SOX8: variants seen among roughly 807,000 people sequenced by gnomAD.
SOX8 encodes the protein SRY-box transcription factor 8.
In SOX8, 9 loss-of-function variants were observed where a neutral mutation model predicts 22.9. The ratio of observed to expected loss-of-function variants is 0.39; its 90% CI spans 0.24 to 0.69. The LOEUF is 0.69. Ranked by LOEUF, SOX8 falls within the 30% of genes least tolerant of loss-of-function variation. The pLI, the probability that SOX8 is intolerant of heterozygous loss-of-function variation, is 0.43. For missense variants in SOX8, 734 were observed against 699.4 expected (o/e 1.05, Z -0.56); for synonymous variants, 416 against 330.6 (o/e 1.26, Z -2.80).
chr16:984,671 C>CA, intron 2 of SOX8, 30 bp from the exon 3 acceptor site: 1 of 1,399,930 alleles, frequency 7.1e-7, no homozygotes, highest in Non-Finnish European at 9.4e-7. Context: ...AAGGGGCATT[C>CA]ATCCCTGAAG....
chr16:985,623 C>G lies in SOX8; in HGVS notation c.*237C>G, dbSNP rs1411102971. 8.1e-6 allele frequency: 4 copies of G among 496,484 alleles called. No homozygotes were observed. The highest frequency in any genetic ancestry group is 2.0e-5 in the African/African-American group (1 of 49,766). 30.8% of individuals were successfully genotyped at this position (496,484 alleles called of 1,614,324 possible). A position where few individuals can be genotyped will look rare whatever the true frequency, so the allele number is the denominator to read the frequency against. On this transcript the variant is annotated 3_prime_UTR_variant, in exon 3 of 3. Coordinates refer to ENST00000293894, the MANE Select transcript of SOX8 (RefSeq NM_014587.5). Reference sequence around the variant, plus strand: ...TTTTTGAGGTGGTGGGATTATTCCACAAAGAAGGGCTGCCGTTTGGTCCCT... The same window carrying G: ...TTTTTGAGGTGGTGGGATTATTCCAGAAAGAAGGGCTGCCGTTTGGTCCCT...
At chr16:984,025 C>T in intron 2 of SOX8, 65 bp downstream of exon 2, 1 of 1,350,580 alleles carries the variant, frequency 7.4e-7, no homozygotes, top group Non-Finnish European at 9.9e-7. Context: ...GGGTTTCTGG[C>T]TGAGAAGGGT....
At position 982,404 on chromosome 16, in the gene SOX8, G is replaced by C. The variant is rs888458961; in HGVS notation, c.422+60G>C. On this transcript the variant is annotated intron_variant, in intron 1 of 2. Coordinates refer to ENST00000293894, the MANE Select transcript of SOX8 (RefSeq NM_014587.5). ...CCTTGGCCGCCCCTGGTCTCGGACT[G>C]CGAGCGGGGGCCTGGAGGGCGCAGA... The C allele has an allele frequency of 8.5e-6, 11 of 1,288,054 alleles. No homozygotes were observed. The African/African-American group carries it at 1.7e-4, about 20-fold the overall frequency. 79.8% of individuals were successfully genotyped at this position (1,288,054 alleles called of 1,614,324 possible).
Position 984,697 on chromosome 16 carries a change from C to G in SOX8, c.656-4C>G, listed in dbSNP as rs1159889747. 2 of 1,514,078 alleles carry G rather than the reference C, an allele frequency of 1.3e-6. No homozygotes were observed. Among genetic ancestry groups the G allele is most frequent in the Admixed American group, 2.0e-5 (1 of 49,252 alleles). 93.8% of individuals were successfully genotyped at this position (1,514,078 alleles called of 1,614,324 possible). On this transcript the variant is annotated splice_region_variant and splice_polypyrimidine_tract_variant and intron_variant, in intron 2 of 2. Transcript: ENST00000293894. ...ATCCCTGAAGCCTGCTCTCCTGTCC[C>G]CAGGGCAGACCCACGGGCCGCCCAC...
Position 984,820 on chromosome 16 carries a change from A to T in SOX8, c.775A>T (p.Ile259Phe). The change falls in exon 3 of 3, where the codon ATC becomes TTC. Residue 259 changes from isoleucine (I) to phenylalanine (F), a missense_variant. Coordinates refer to ENST00000293894, the MANE Select transcript of SOX8 (RefSeq NM_014587.5). ...GCCGGTGGACAGCGGGCGCCAGAAC[A>T]TCGACTTCAGCAACGTGGACATCTC... ...RRPVDSGRQN[I>F]DFSNVDISEL... 6.2e-7 allele frequency: 1 copy of T among 1,611,784 alleles called. No individual in the cohort carries two copies. The highest frequency in any genetic ancestry group is 8.5e-7 in the Non-Finnish European group (1 of 1,179,444).
Position 985,438 on chromosome 16 carries a change from G to T in SOX8, c.*52G>T. 3 of 1,418,004 alleles carry T rather than the reference G, an allele frequency of 2.1e-6. No individual in the cohort carries two copies. Among genetic ancestry groups the T allele is most frequent in the Non-Finnish European group, 2.8e-6 (3 of 1,067,514 alleles). 87.8% of individuals were successfully genotyped at this position (1,418,004 alleles called of 1,614,324 possible). Reference sequence around the variant, plus strand: ...AGGCGTCAGGGGGCAGCCTTGTCCCGGCCCAGTGTGTGTGACCAGGGCGGG... The same window carrying T: ...AGGCGTCAGGGGGCAGCCTTGTCCCTGCCCAGTGTGTGTGACCAGGGCGGG... On this transcript the variant is annotated 3_prime_UTR_variant, in exon 3 of 3. Transcript: ENST00000293894.
intron 2 of SOX8, 150 bp downstream of exon 2, chr16:984,110 G>A: frequency 1.4e-6 from 1 of 697,138 alleles, no homozygotes; most frequent in Non-Finnish European, 2.2e-6. Context: ...AGCTCCCAAG[G>A]CCCCGGCCGC....
Position 981,924 on chromosome 16 carries a change from TGCTGGACATGA to T in SOX8, c.5_15del (p.Leu2_?5), listed in dbSNP as rs2073391287. ...CGCGCCCCTCCGCGCGCGGCCCCGA[TGCTGGACATGA>T]GCGAGGCCCGCTCCCAGCCGCCCTG... On this transcript the variant is annotated frameshift_variant and start_lost, in exon 1 of 3. Coordinates refer to ENST00000293894, the MANE Select transcript of SOX8 (RefSeq NM_014587.5). LOFTEE classifies it high-confidence loss of function. 1.5e-6 allele frequency: 2 copies of T among 1,319,020 alleles called. No homozygotes were observed. The highest frequency in any genetic ancestry group is 9.7e-7 in the Non-Finnish European group (1 of 1,032,822). The allele number at this position is 1,319,020 out of a possible 1,614,324, so 81.7% of individuals were successfully genotyped here.
rs2073389813 is a variant in SOX8, at chr16:981,871, G to C, written c.-52G>C. ...CGGAGCGACCGCAGGGCAGCCCCGG[G>C]CGCCGGCCCCGGTGCGCGTCTCCTG... On this transcript the variant is annotated 5_prime_UTR_variant, in exon 1 of 3. Coordinates refer to ENST00000293894, the MANE Select transcript of SOX8 (RefSeq NM_014587.5). 2 of 1,111,072 alleles carry C rather than the reference G, an allele frequency of 1.8e-6. No individual in the cohort carries two copies. The highest frequency in any genetic ancestry group is 9.6e-5 in the East Asian group (2 of 20,910). 68.8% of individuals were successfully genotyped at this position (1,111,072 alleles called of 1,614,324 possible).
chr16:982,164 G>T lies in SOX8; in HGVS notation c.242G>T (p.Trp81Leu). The change falls in exon 1 of 3, where the codon TGG becomes TTG. Residue 81 changes from tryptophan (W) to leucine (L), a missense_variant. Physicochemically the swap from Trp to Leu is moderately conservative, Grantham distance 61. Coordinates refer to ENST00000293894, the MANE Select transcript of SOX8 (RefSeq NM_014587.5). ...TCGCAGGTGCTCAAGGGCTACGACT[G>T]GAGTCTGGTGCCCATGCCGGTGCGC... ...AVSQVLKGYD[W>L]SLVPMPVRGG... 1 of 1,498,176 alleles carries T rather than the reference G, an allele frequency of 6.7e-7. No individual in the cohort carries two copies. The highest frequency in any genetic ancestry group is 1.3e-5 in the South Asian group (1 of 79,652). The allele number at this position is 1,498,176 out of a possible 1,614,324, so 92.8% of individuals were successfully genotyped here. A position where few individuals can be genotyped will look rare whatever the true frequency, so the allele number is the denominator to read the frequency against.
chr16:986,064 GTTATT>G lies in SOX8; in HGVS notation c.*683_*687del, dbSNP rs748506328. ...TGTTAAAGATGTATTTATGTTCTGT[GTTATT>G]TTATCTTTAATTAATGAGGTAATTC... On this transcript the variant is annotated 3_prime_UTR_variant, in exon 3 of 3. Transcript: ENST00000293894. The G allele has an allele frequency of 1.3e-5, 2 of 151,910 alleles. No homozygotes were observed. Among genetic ancestry groups the G allele is most frequent in the Non-Finnish European group, 2.9e-5 (2 of 67,908 alleles). 9.4% of individuals were successfully genotyped at this position (151,910 alleles called of 1,614,324 possible). A position where few individuals can be genotyped will look rare whatever the true frequency, so the allele number is the denominator to read the frequency against.
chr16:981,934 GA>G lies in SOX8; in HGVS notation c.13del (p.Ser5AlafsTer98). On this transcript the variant is annotated frameshift_variant, in exon 1 of 3. Transcript: ENST00000293894. LOFTEE classifies it high-confidence loss of function. ...CGCGCGCGGCCCCGATGCTGGACAT[GA>G]GCGAGGCCCGCTCCCAGCCGCCCTG... Reference protein sequence around the residue: MLDMSEARSQPPCSP... With the variant: MLDMXEARSQPPCSP... 7.2e-7 allele frequency: 1 copy of G among 1,382,612 alleles called. No individual in the cohort carries two copies. The highest frequency in any genetic ancestry group is 9.4e-7 in the Non-Finnish European group (1 of 1,065,242). 85.6% of individuals were successfully genotyped at this position (1,382,612 alleles called of 1,614,324 possible).
rs577232716 is a variant in SOX8 at position 986,630 on chromosome 16, C to G, written c.*1244C>G. ...ACGAGTCATACCTGATTCACCTGCA[C>G]TGCTTCCCCTGTGTGCTGAGCATAG... is the stretch of plus-strand genomic sequence containing the variant. On this transcript the variant is annotated 3_prime_UTR_variant, in exon 3 of 3. Coordinates refer to ENST00000293894, the MANE Select transcript of SOX8 (RefSeq NM_014587.5). 1.1e-4 allele frequency: 17 copies of G among 152,630 alleles called. No individual in the cohort carries two copies. The highest frequency in any genetic ancestry group is 3.8e-4 in the African/African-American group (16 of 41,590). 9.5% of individuals were successfully genotyped at this position (152,630 alleles called of 1,614,324 possible).
rs141974983 is a variant in SOX8 at position 986,684 on chromosome 16, A to G, written c.*1298A>G. 3 of 152,318 alleles carry G rather than the reference A, an allele frequency of 2.0e-5. No homozygotes were observed. Among genetic ancestry groups the G allele is most frequent in the East Asian group, 1.9e-4 (1 of 5,174 alleles). The allele number at this position is 152,318 out of a possible 1,614,324, so 9.4% of individuals were successfully genotyped here. On this transcript the variant is annotated 3_prime_UTR_variant, in exon 3 of 3. Transcript: ENST00000293894. ...ATACAATAGCGCCTACTTCACGGAAACTTGTGCCTTTAAACTTTGTAAACT... is the reference window on the plus strand; with the variant it reads ...ATACAATAGCGCCTACTTCACGGAAGCTTGTGCCTTTAAACTTTGTAAACT...
At chr16:983,484 G>A (rs1032236317) in intron 1 of SOX8, 3 of 400,468 alleles carry the variant, frequency 7.5e-6, no homozygotes, top group Non-Finnish European at 1.3e-5. Context: ...AAGATGGGAG[G>A]CGTGGGGCTT....
At chr16:983,396 G>T in intron 1 of SOX8, 1 of 207,090 alleles carries the variant, frequency 4.8e-6, no homozygotes, top group Non-Finnish European at 9.6e-6. Context: ...GCTGGGTCCT[G>T]CCCGCCTCCC....
At position 982,355 on chromosome 16, in the gene SOX8, G is replaced by A; in HGVS notation, c.422+11G>A. The A allele has an allele frequency of 7.4e-7, 1 of 1,345,716 alleles. No homozygotes were observed. The highest frequency in any genetic ancestry group is 9.6e-7 in the Non-Finnish European group (1 of 1,044,272). The allele number at this position is 1,345,716 out of a possible 1,614,324, so 83.4% of individuals were successfully genotyped here. A position where few individuals can be genotyped will look rare whatever the true frequency, so the allele number is the denominator to read the frequency against. The stretch of plus-strand genomic sequence containing the variant: ...GGGCAAGCTGTGGCGGTGAGTGCCG[G>A]CGCCCCGGGGGCGGGGTTCGGGACC... On this transcript the variant is annotated intron_variant, in intron 1 of 2. Coordinates refer to ENST00000293894, the MANE Select transcript of SOX8 (RefSeq NM_014587.5).
At chr16:983,991 G>A (rs866640243) in intron 2 of SOX8, 31 bp downstream of exon 2, 21 of 1,459,528 alleles carry the variant, frequency 1.4e-5, no homozygotes, top group Middle Eastern at 1.8e-4. Context: ...ATATCTGAGG[G>A]TCCCTGTATG....
Position 982,056 on chromosome 16 carries a change from CG to C in SOX8, c.139del (p.Val47SerfsTer56). 4 of 1,296,316 alleles carry C rather than the reference CG, an allele frequency of 3.1e-6. No individual in the cohort carries two copies. The South Asian group carries it at 7.6e-5, about 25-fold the overall frequency. The allele number at this position is 1,296,316 out of a possible 1,614,324, so 80.3% of individuals were successfully genotyped here. On this transcript the variant is annotated frameshift_variant, in exon 1 of 3. Transcript: ENST00000293894. LOFTEE classifies it high-confidence loss of function. ...GCCGGCTCCGAGGGCCTGGGCCGCGCGGGGGTCGCGGTGGGGGGCGCCCGGG... is the reference window on the plus strand; with the variant it reads ...GCCGGCTCCGAGGGCCTGGGCCGCGCGGGGTCGCGGTGGGGGGCGCCCGGG... The part of the protein sequence containing the change: ...SPAGSEGLGR[A>X]GVAVGGARGD...
Sources: allele counts gnomAD v4.1 joint callset, GRCh38; gene constraint gnomAD v4.1.1; transcripts MANE v1.5; gene names NCBI Gene and HGNC (gene_info 2026-07-23, HGNC 2026-07-21).